Variants in ZFHX3 observed in about 807,000 individuals in gnomAD.
ZFHX3 encodes the protein zinc finger homeobox protein 3.
ZFHX3 carries 42 observed loss-of-function variants against 279.1 expected under a neutral mutation model. The observed-to-expected ratio is 0.15, with a 90% CI of 0.12 to 0.19. The LOEUF (loss-of-function observed/expected upper bound fraction) is 0.19. Among genes scored for constraint, ZFHX3 ranks in the 10% least tolerant of loss-of-function variants. The probability of loss-of-function intolerance (pLI) is 1.00; values close to 1 mark genes in which losing one functional copy is unlikely to be tolerated. For missense variants in ZFHX3, 4,981 were observed against 4,754.0 expected (o/e 1.05, Z -1.40); for synonymous variants, 2,293 against 1,957.8 (o/e 1.17, Z -4.52).
intron 1 of ZFHX3, among the ~76,000 whole-genome samples, chr16:73,745,833 G>A (rs1241617380): frequency 2.0e-5 from 3 of 152,032 alleles, no homozygotes; most frequent in African/African-American, 4.8e-5. Context: ...TTCAGGCTTG[G>A]CCTAAGAGTG....
At chr16:72,834,680 C>T (rs1217341782) in intron 4 of ZFHX3, among the ~76,000 whole-genome samples, 2 of 151,984 alleles carry the variant, frequency 1.3e-5, no homozygotes, top group African/African-American at 2.4e-5. Context: ...AATTGGTTCG[C>T]GAAAGCAGCA....
intron 5 of ZFHX3, among the ~76,000 whole-genome samples, chr16:72,813,892 C>G (rs2036532323): frequency 6.6e-6 from 1 of 152,194 alleles, no homozygotes; most frequent in South Asian, 2.1e-4. Context: ...GGTTTGAGAC[C>G]TTGCAGTGTG....
intron 5 of ZFHX3, among the ~76,000 whole-genome samples, chr16:73,160,155 C>T (rs1291340397): frequency 6.6e-6 from 1 of 152,194 alleles, no homozygotes. Context: ...TGCTCCCTTT[C>T]TGGGTAAGAG....
chr16:72,918,309 G>A (rs571386842), intron 3 of ZFHX3, among the ~76,000 whole-genome samples: 4 of 151,940 alleles, frequency 2.6e-5, no homozygotes, highest in South Asian at 2.1e-4. Context: ...GGATGGGGAC[G>A]GTACATACAC....
chr16:73,778,748 A>G (rs1959348719), intron 1 of ZFHX3, among the ~76,000 whole-genome samples: 1 of 152,232 alleles, frequency 6.6e-6, no homozygotes, highest in South Asian at 2.1e-4. Flanking sequence ...TGATGAAAAT[A>G]CAATGGTAAG....
At chr16:73,353,044 T>A (rs2016276566) in intron 3 of ZFHX3, among the ~76,000 whole-genome samples, 1 of 152,024 alleles carries the variant, frequency 6.6e-6, no homozygotes, top group Non-Finnish European at 1.5e-5. Flanking sequence ...CCGCCCTAGT[T>A]CCAGGGGGAA....
rs555503923 is a variant in ZFHX3 at position 72,928,439 on chromosome 16, C to T, written c.3216+22030G>A. Reference sequence around the variant, plus strand: ...ATGCAAAAGCGCCCCCACCACAACCCCTCGGCCCAAGTCTTGGTTTCCTGG... The same window carrying T: ...ATGCAAAAGCGCCCCCACCACAACCTCTCGGCCCAAGTCTTGGTTTCCTGG... On this transcript the variant is annotated intron_variant, in intron 3 of 9. Transcript: ENST00000268489. 6.6e-5 allele frequency among the ~76,000 whole-genome samples: 10 copies of T among 152,144 alleles called. No individual in the cohort carries two copies. The South Asian group carries it at 2.1e-3, about 32-fold the overall frequency.
chr16:73,327,616 T>A (rs984091135), intron 3 of ZFHX3, among the ~76,000 whole-genome samples: 1 of 152,258 alleles, frequency 6.6e-6, no homozygotes, highest in African/African-American at 2.4e-5. Flanking sequence ...GACTTCATTC[T>A]GAAAATTTGA....
chr16:73,857,887 G>T (rs139970318), intron 1 of ZFHX3, among the ~76,000 whole-genome samples: 10 of 152,164 alleles, frequency 6.6e-5, no homozygotes, highest in Admixed American at 5.2e-4. Flanking sequence ...TGGATGGATC[G>T]CTTGAGGTCA....
intron 2 of ZFHX3, among the ~76,000 whole-genome samples, chr16:73,470,403 G>C (rs967779546): frequency 6.6e-6 from 1 of 152,122 alleles, no homozygotes; most frequent in Non-Finnish European, 1.5e-5. Context: ...CGTGTTGTCT[G>C]CTAAACCGTT....
chr16:72,965,139 A>G (rs1407794250), intron 1 of ZFHX3, among the ~76,000 whole-genome samples: 2 of 152,208 alleles, frequency 1.3e-5, no homozygotes, highest in Non-Finnish European at 2.9e-5. Context: ...TCGGCCTCCC[A>G]AAGTGCTGGG....
intron 1 of ZFHX3, among the ~76,000 whole-genome samples, chr16:73,854,727 C>CA (rs60003447): frequency 0.061 from 3,581 of 58,384 alleles, 51 homozygotes; most frequent in African/African-American, 0.12. Flanking sequence ...CCACCTTCCA[C>CA]AAAAAAAAAA....
chr16:72,958,988 G>A lies in ZFHX3; in HGVS notation c.1158C>T (p.Gly386=). Residue 386 remains glycine (G), a synonymous_variant, in exon 2 of 10, where the codon GGC becomes GGT. Transcript: ENST00000268489. The stretch of plus-strand genomic sequence containing the variant: ...AGAGACCAGCCTGGGGCTGCTCGGG[G>A]CCAGCGGCGGAGCCCGCTGGGAGAG... ...EEALPAGSAA[G]PEQPQAGLLT... is the part of the protein sequence containing the mutation. The A allele has an allele frequency of 3.7e-6, 6 of 1,606,730 alleles. No individual in the cohort carries two copies. The highest frequency in any genetic ancestry group is 5.1e-6 in the Non-Finnish European group (6 of 1,176,736).
At position 72,787,979 on chromosome 16, in the gene ZFHX3, G is replaced by T; in HGVS notation, c.10297C>A (p.Pro3433Thr). The T allele has an allele frequency of 6.2e-7, 1 of 1,613,816 alleles. No individual in the cohort carries two copies. Among genetic ancestry groups the T allele is most frequent in the Non-Finnish European group, 8.5e-7 (1 of 1,179,952 alleles). ...EQKNTPREVS[P>T]LLPKLPEEPE... The stretch of plus-strand genomic sequence containing the variant: ...TCTTCAGGGAGTTTCGGCAGGAGGG[G>T]GGACACCTCACGGGGGGTGTTTTTC... The change falls in exon 10 of 10, where the codon CCC becomes ACC. Residue 3433 changes from proline (P) to threonine (T), a missense_variant. Pro to Thr is a conservative substitution (Grantham distance 38, BLOSUM62 -1). Transcript: ENST00000268489.
At chr16:73,555,441 A>G (rs1026594141) in intron 2 of ZFHX3, among the ~76,000 whole-genome samples, 1 of 149,664 alleles carries the variant, frequency 6.7e-6, no homozygotes. Flanking sequence ...GGCGTGAGCC[A>G]CCGCGCCCGG....
At chr16:72,879,457 G>A (rs1042323167) in intron 4 of ZFHX3, among the ~76,000 whole-genome samples, 6 of 152,098 alleles carry the variant, frequency 3.9e-5, no homozygotes, top group East Asian at 1.9e-4. Context: ...ACGGAGTCTC[G>A]CTCTGTCGCC....
chr16:73,168,909 T>C (rs907993583), intron 5 of ZFHX3, among the ~76,000 whole-genome samples: 1 of 152,208 alleles, frequency 6.6e-6, no homozygotes, highest in African/African-American at 2.4e-5. Flanking sequence ...CTGACTGCCA[T>C]CTTCCCTTGC....
intron 2 of ZFHX3, among the ~76,000 whole-genome samples, chr16:73,507,899 C>T (rs1178150875): frequency 6.6e-6 from 1 of 152,112 alleles, no homozygotes; most frequent in Non-Finnish European, 1.5e-5. Context: ...TGAGTTTGCA[C>T]AATTTTTGTG....
intron 2 of ZFHX3, among the ~76,000 whole-genome samples, chr16:73,489,786 T>A (rs1234520920): frequency 6.6e-6 from 1 of 152,162 alleles, no homozygotes; most frequent in South Asian, 2.1e-4. Flanking sequence ...CTTAAAACAA[T>A]TTTTCTCTGA....
Sources: gnomAD v4.1 joint callset for allele counts (sites outside exome capture counted in the v4.1 genomes callset) on GRCh38, gnomAD v4.1.1 for gene constraint, MANE v1.5 for transcripts, NCBI Gene and HGNC (gene_info 2026-07-23, HGNC 2026-07-21) for gene names.